HSPA1B: variants seen among roughly 807,000 people sequenced by gnomAD.
HSPA1B encodes the protein heat shock protein family A (Hsp70) member 1B.
HSPA1B carries 7 observed loss-of-function variants against 9.0 expected under a neutral mutation model. That is an observed-to-expected ratio of 0.78 (90% CI 0.44 to 1.46). The LOEUF is 1.46. Among genes scored for constraint, HSPA1B ranks in the 40% most tolerant of loss-of-function variants. The probability of loss-of-function intolerance (pLI) is 0.01; values close to 1 mark genes in which losing one functional copy is unlikely to be tolerated. For synonymous variants in HSPA1B, 125 were observed against 184.5 expected (o/e 0.68, Z 2.61); for missense variants, 199 against 424.5 (o/e 0.47, Z 4.67).
chr6:31,827,809 C>CTGGAA lies in HSPA1B; in HGVS notation c.-141_-140insGGAAT. On this transcript the variant is annotated 5_prime_UTR_variant, in exon 1 of 1. Transcript: ENST00000375650. ...GAGAGTGACTCCCGCGGTCCCAAGG[C>CTGGAA]TTTCCAGAGCGAACCTGTGCGGCTG... is the stretch of plus-strand genomic sequence containing the variant. 1 of 1,541,900 alleles carries CTGGAA rather than the reference C, an allele frequency of 6.5e-7. No homozygotes were observed. The highest frequency in any genetic ancestry group is 8.8e-7 in the Non-Finnish European group (1 of 1,133,748).
chr6:31,827,752 A>G lies in HSPA1B; in HGVS notation c.-199A>G, dbSNP rs1454757895. 2.5e-5 allele frequency: 31 copies of G among 1,238,732 alleles called. No individual in the cohort carries two copies. The highest frequency in any genetic ancestry group is 3.4e-5 in the Non-Finnish European group (30 of 874,432). The allele number at this position is 1,238,732 out of a possible 1,614,324, so 76.7% of individuals were successfully genotyped here. A position where few individuals can be genotyped will look rare whatever the true frequency, so the allele number is the denominator to read the frequency against. ...CGCGGTCCGGAAAACGGCCAGCCTG[A>G]GGAGCTGCTGCGAGGGTCCGCTTCG... is the stretch of plus-strand genomic sequence containing the variant. On this transcript the variant is annotated 5_prime_UTR_variant, in exon 1 of 1. Transcript: ENST00000375650.
Position 31,827,792 on chromosome 6 carries a change from C to G in HSPA1B, c.-159C>G. 4 of 1,472,210 alleles carry G rather than the reference C, an allele frequency of 2.7e-6. No individual in the cohort carries two copies. Among genetic ancestry groups the G allele is most frequent in the Non-Finnish European group, 3.7e-6 (4 of 1,077,006 alleles). The allele number at this position is 1,472,210 out of a possible 1,614,324, so 91.2% of individuals were successfully genotyped here. A position where few individuals can be genotyped will look rare whatever the true frequency, so the allele number is the denominator to read the frequency against. ...GGTCCGCTTCGTCTTTCGAGAGTGA[C>G]TCCCGCGGTCCCAAGGCTTTCCAGA... On this transcript the variant is annotated 5_prime_UTR_variant, in exon 1 of 1. Transcript: ENST00000375650.
In HSPA1B at chr6:31,827,762, G is replaced by A. The variant is rs1816771422; in HGVS notation, c.-189G>A. On this transcript the variant is annotated 5_prime_UTR_variant, in exon 1 of 1. Coordinates refer to ENST00000375650, the MANE Select transcript of HSPA1B (RefSeq NM_005346.6). The stretch of plus-strand genomic sequence containing the variant: ...AAAACGGCCAGCCTGAGGAGCTGCT[G>A]CGAGGGTCCGCTTCGTCTTTCGAGA... 6.8e-6 allele frequency: 9 copies of A among 1,316,900 alleles called. No individual in the cohort carries two copies. Among genetic ancestry groups the A allele is most frequent in the Admixed American group, 2.0e-5 (1 of 50,356 alleles). 81.6% of individuals were successfully genotyped at this position (1,316,900 alleles called of 1,614,324 possible).
In HSPA1B at chr6:31,829,507, G is replaced by T; in HGVS notation, c.1557G>T (p.Val519=). The change falls in exon 1 of 1, where the codon GTG becomes GTT. Residue 519 remains valine (V), a synonymous_variant. Transcript: ENST00000375650. The part of the protein sequence containing the change: ...RLSKEEIERM[V]QEAEKYKAED... ...GCAAGGAGGAGATCGAGCGCATGGT[G>T]CAGGAGGCGGAGAAGTACAAAGCGG... The T allele has an allele frequency of 6.5e-7, 1 of 1,531,902 alleles. No individual in the cohort carries two copies. The highest frequency in any genetic ancestry group is 1.2e-5 in the South Asian group (1 of 84,986). 94.9% of individuals were successfully genotyped at this position (1,531,902 alleles called of 1,614,324 possible).
Position 31,828,100 on chromosome 6 carries a change from C to A in HSPA1B, c.150C>A (p.Leu50=). Residue 50 remains leucine (L), a synonymous_variant, in exon 1 of 1, where the codon CTC becomes CTA. Transcript: ENST00000375650. ...TGGCCTTCACGGACACCGAGCGGCT[C>A]ATCGGGGATGCGGCCAAGAACCAGG... ...SYVAFTDTER[L]IGDAAKNQVA... 1 of 1,591,844 alleles carries A rather than the reference C, an allele frequency of 6.3e-7. No homozygotes were observed. The highest frequency in any genetic ancestry group is 8.5e-7 in the Non-Finnish European group (1 of 1,171,044).
chr6:31,827,765 AG>A lies in HSPA1B; in HGVS notation c.-183del. Reference sequence around the variant, plus strand: ...ACGGCCAGCCTGAGGAGCTGCTGCGAGGGTCCGCTTCGTCTTTCGAGAGTGA... The same window carrying A: ...ACGGCCAGCCTGAGGAGCTGCTGCGAGGTCCGCTTCGTCTTTCGAGAGTGA... On this transcript the variant is annotated 5_prime_UTR_variant, in exon 1 of 1. Transcript: ENST00000375650. The A allele has an allele frequency of 7.5e-7, 1 of 1,325,466 alleles. No individual in the cohort carries two copies. The highest frequency in any genetic ancestry group is 1.1e-6 in the Non-Finnish European group (1 of 950,760). 82.1% of individuals were successfully genotyped at this position (1,325,466 alleles called of 1,614,324 possible). A position where few individuals can be genotyped will look rare whatever the true frequency, so the allele number is the denominator to read the frequency against.
chr6:31,827,861 C>T lies in HSPA1B; in HGVS notation c.-90C>T, dbSNP rs762753580. 2 of 1,610,536 alleles carry T rather than the reference C, an allele frequency of 1.2e-6. No homozygotes were observed. The highest frequency in any genetic ancestry group is 1.7e-5 in the Admixed American group (1 of 59,586). ...AGGCACCGGCGTGTTGAGTTTCCGG[C>T]GTTCCGAAGGACTGAGCTCTTGTCG... On this transcript the variant is annotated 5_prime_UTR_variant, in exon 1 of 1. Coordinates refer to ENST00000375650, the MANE Select transcript of HSPA1B (RefSeq NM_005346.6).
rs1362118781 is a variant in HSPA1B at position 31,827,971 on chromosome 6, C to T, written c.21C>T (p.Ile7=). The change falls in exon 1 of 1, where the codon ATC becomes ATT. Residue 7 remains isoleucine, a synonymous_variant. Coordinates refer to ENST00000375650, the MANE Select transcript of HSPA1B (RefSeq NM_005346.6). ...CCGGCATGGCCAAAGCCGCGGCGAT[C>T]GGCATCGACCTGGGCACCACCTACT... MAKAAA[I]GIDLGTTYSC... 3 of 1,613,150 alleles carry T rather than the reference C, an allele frequency of 1.9e-6. No individual in the cohort carries two copies. Among genetic ancestry groups the T allele is most frequent in the Non-Finnish European group, 2.5e-6 (3 of 1,179,700 alleles).
rs1317658820 is a variant in HSPA1B at position 31,827,766 on chromosome 6, G to T, written c.-185G>T. On this transcript the variant is annotated 5_prime_UTR_variant, in exon 1 of 1. It adds an upstream start codon to the 5' untranslated region. Coordinates refer to ENST00000375650, the MANE Select transcript of HSPA1B (RefSeq NM_005346.6). Reference sequence around the variant, plus strand: ...CGGCCAGCCTGAGGAGCTGCTGCGAGGGTCCGCTTCGTCTTTCGAGAGTGA... The same window carrying T: ...CGGCCAGCCTGAGGAGCTGCTGCGATGGTCCGCTTCGTCTTTCGAGAGTGA... The T allele has an allele frequency of 1.2e-5, 16 of 1,334,374 alleles. No homozygotes were observed. Among genetic ancestry groups the T allele is most frequent in the Non-Finnish European group, 1.7e-5 (16 of 958,726 alleles). 82.7% of individuals were successfully genotyped at this position (1,334,374 alleles called of 1,614,324 possible).
rs1380611889 is a variant in HSPA1B at position 31,830,138 on chromosome 6, G to GTTTTTTTTTTTTTTTTTTTTTTT, written c.*265_*266insTTTTTTTTTTTTTTTTTTTTTTT. Reference sequence around the variant, plus strand: ...ATCAACACTGCCACCTTCTGTACGAGTTTGTTTGTTTTTTTTTTTTTTTTT... The same window carrying GTTTTTTTTTTTTTTTTTTTTTTT: ...ATCAACACTGCCACCTTCTGTACGAGTTTTTTTTTTTTTTTTTTTTTTTTTTGTTTGTTTTTTTTTTTTTTTTT... On this transcript the variant is annotated 3_prime_UTR_variant, in exon 1 of 1. Coordinates refer to ENST00000375650, the MANE Select transcript of HSPA1B (RefSeq NM_005346.6). 5.8e-6 allele frequency: 1 copy of GTTTTTTTTTTTTTTTTTTTTTTT among 171,872 alleles called. No individual in the cohort carries two copies. The highest frequency in any genetic ancestry group is 3.3e-5 in the African/African-American group (1 of 30,064). The allele number at this position is 171,872 out of a possible 1,614,324, so 10.6% of individuals were successfully genotyped here. A position where few individuals can be genotyped will look rare whatever the true frequency, so the allele number is the denominator to read the frequency against.
Position 31,829,653 on chromosome 6 carries a change from A to T in HSPA1B, c.1703A>T (p.Lys568Met), listed in dbSNP as rs778424336. Residue 568 changes from lysine to methionine, a missense_variant, in exon 1 of 1, where the codon AAG (lysine) becomes ATG (methionine). By Grantham distance (95) the Lys-to-Met change is moderately conservative. Around this residue, in one of 5 missense-constraint regions of HSPA1B, gnomAD observed 67 missense variants for 106.4 expected, o/e 0.63. Coordinates refer to ENST00000375650, the MANE Select transcript of HSPA1B (RefSeq NM_005346.6). ...GGCAAGATCAGCGAGGCGGACAAGAAGAAGGTTCTGGACAAGTGTCAAGAG... is the reference window on the plus strand; with the variant it reads ...GGCAAGATCAGCGAGGCGGACAAGATGAAGGTTCTGGACAAGTGTCAAGAG... ...LKGKISEADK[K>M]KVLDKCQEVI... The T allele has an allele frequency of 5.0e-6, 8 of 1,612,492 alleles. No homozygotes were observed. The highest frequency in any genetic ancestry group is 2.5e-6 in the Non-Finnish European group (3 of 1,179,868).
chr6:31,827,954 G>A lies in HSPA1B; in HGVS notation c.4G>A (p.Ala2Thr). 5.0e-6 allele frequency: 8 copies of A among 1,613,288 alleles called. No homozygotes were observed. The highest frequency in any genetic ancestry group is 6.8e-6 in the Non-Finnish European group (8 of 1,179,716). Residue 2 changes from alanine (A) to threonine (T), a missense_variant, in exon 1 of 1, where the codon GCC (alanine) becomes ACC (threonine). By Grantham distance (58) the Ala-to-Thr change is moderately conservative (BLOSUM62 0). This residue lies in a region of HSPA1B where 51 missense variants were observed against 70.9 expected (regional missense o/e 0.72). Transcript: ENST00000375650. The stretch of plus-strand genomic sequence containing the variant: ...GCCCACAGAGCAGGGCACCGGCATG[G>A]CCAAAGCCGCGGCGATCGGCATCGA... M[A>T]KAAAIGIDLG...
At position 31,830,146 on chromosome 6, in the gene HSPA1B, G is replaced by GTTTTTTTTT. The variant is rs9279427; in HGVS notation, c.*286_*294dup. 7.6e-4 allele frequency: 64 copies of GTTTTTTTTT among 84,066 alleles called. No homozygotes were observed. The highest frequency in any genetic ancestry group is 1.5e-3 in the East Asian group (4 of 2,702). 5.2% of individuals were successfully genotyped at this position (84,066 alleles called of 1,614,324 possible). A position where few individuals can be genotyped will look rare whatever the true frequency, so the allele number is the denominator to read the frequency against. ...TGCCACCTTCTGTACGAGTTTGTTT[G>GTTTTTTTTT]TTTTTTTTTTTTTTTTTTTTTTTTG... is the stretch of plus-strand genomic sequence containing the variant. On this transcript the variant is annotated 3_prime_UTR_variant, in exon 1 of 1. Transcript: ENST00000375650.
At position 31,828,409 on chromosome 6, in the gene HSPA1B, G is replaced by C; in HGVS notation, c.459G>C (p.Ser153=). ...CCGTGCCGGCCTACTTCAACGACTC[G>C]CAGCGCCAGGCCACCAAGGATGCGG... ...VITVPAYFND[S]QRQATKDAGV... is the part of the protein sequence containing the mutation. The change falls in exon 1 of 1, where the codon TCG becomes TCC. Residue 153 remains serine, a synonymous_variant. Transcript: ENST00000375650. 1 of 369,902 alleles carries C rather than the reference G, an allele frequency of 2.7e-6. No individual in the cohort carries two copies. The highest frequency in any genetic ancestry group is 4.6e-6 in the Non-Finnish European group (1 of 218,526). 22.9% of individuals were successfully genotyped at this position (369,902 alleles called of 1,614,324 possible).
rs541068717 is a variant in HSPA1B at position 31,829,860 on chromosome 6, T to C, written c.1910T>C (p.Ile637Thr). ...PKGGSGSGPT[I>T]EEVD Reference sequence around the variant, plus strand: ...GGAGGGTCTGGGTCAGGCCCTACCATTGAGGAGGTGGATTAGGGGCCTTTG... The same window carrying C: ...GGAGGGTCTGGGTCAGGCCCTACCACTGAGGAGGTGGATTAGGGGCCTTTG... The change falls in exon 1 of 1, where the codon ATT becomes ACT. Residue 637 changes from isoleucine (I) to threonine (T), a missense_variant. Physicochemically the swap from Ile to Thr is moderately conservative, Grantham distance 89. This residue lies in a region of HSPA1B where 67 missense variants were observed against 106.4 expected (regional missense o/e 0.63). Transcript: ENST00000375650. The C allele has an allele frequency of 1.4e-5, 22 of 1,612,396 alleles. No individual in the cohort carries two copies. The highest frequency in any genetic ancestry group is 1.8e-5 in the Non-Finnish European group (21 of 1,179,794).
Position 31,830,090 on chromosome 6 carries a change from G to C in HSPA1B, c.*214G>C. The C allele has an allele frequency of 1.7e-6, 1 of 605,302 alleles. No individual in the cohort carries two copies. Among genetic ancestry groups the C allele is most frequent in the East Asian group, 3.0e-5 (1 of 33,528 alleles). 37.5% of individuals were successfully genotyped at this position (605,302 alleles called of 1,614,324 possible). On this transcript the variant is annotated 3_prime_UTR_variant, in exon 1 of 1. Coordinates refer to ENST00000375650, the MANE Select transcript of HSPA1B (RefSeq NM_005346.6). The stretch of plus-strand genomic sequence containing the variant: ...TTGCATTTAATGTTGATACTGTAAG[G>C]GTGTTTCGTTCCCTTTAAATGAATC...
rs1387217371 is a variant in HSPA1B, at chr6:31,827,781, T to C, written c.-170T>C. On this transcript the variant is annotated 5_prime_UTR_variant, in exon 1 of 1. Coordinates refer to ENST00000375650, the MANE Select transcript of HSPA1B (RefSeq NM_005346.6). ...GCTGCTGCGAGGGTCCGCTTCGTCTTTCGAGAGTGACTCCCGCGGTCCCAA... is the reference window on the plus strand; with the variant it reads ...GCTGCTGCGAGGGTCCGCTTCGTCTCTCGAGAGTGACTCCCGCGGTCCCAA... 4.2e-6 allele frequency: 6 copies of C among 1,431,372 alleles called. No individual in the cohort carries two copies. The African/African-American group carries it at 7.1e-5, about 17-fold the overall frequency. The allele number at this position is 1,431,372 out of a possible 1,614,324, so 88.7% of individuals were successfully genotyped here.
In HSPA1B at chr6:31,830,048, ATG is replaced by A. The variant is rs982878795; in HGVS notation, c.*174_*175del. ...TCATTATTTTTGTAGTACAACCGAT[ATG>A]TTCATTAGAATTCTTTGCATTTAAT... On this transcript the variant is annotated 3_prime_UTR_variant, in exon 1 of 1. Transcript: ENST00000375650. 3.1e-4 allele frequency: 240 copies of A among 781,212 alleles called. 1 individual carries two copies. The highest frequency in any genetic ancestry group is 1.5e-3 in the Middle Eastern group (4 of 2,592). The allele number at this position is 781,212 out of a possible 1,614,324, so 48.4% of individuals were successfully genotyped here. A position where few individuals can be genotyped will look rare whatever the true frequency, so the allele number is the denominator to read the frequency against.
Position 31,829,053 on chromosome 6 carries a change from C to CGAGTAG in HSPA1B, c.1103_1104insGAGTAG (p.Ala368_Val369insSerSer). ...AACAAGAGCATCAACCCCGACGAGGCTGTGGCCTACGGGGCGGCGGTGCAG... is the reference window on the plus strand; with the variant it reads ...AACAAGAGCATCAACCCCGACGAGGCGAGTAGTGTGGCCTACGGGGCGGCGGTGCAG... On this transcript the variant is annotated inframe_insertion, in exon 1 of 1. Transcript: ENST00000375650. 1 of 179,952 alleles carries CGAGTAG rather than the reference C, an allele frequency of 5.6e-6. No individual in the cohort carries two copies. Among genetic ancestry groups the CGAGTAG allele is most frequent in the Non-Finnish European group, 9.6e-6 (1 of 103,694 alleles). The allele number at this position is 179,952 out of a possible 1,614,324, so 11.1% of individuals were successfully genotyped here.
Sources: allele counts gnomAD v4.1 joint callset, GRCh38; gene constraint gnomAD v4.1.1; regional missense constraint gnomAD v4.1.1; transcripts MANE v1.5; gene names NCBI Gene and HGNC (gene_info 2026-07-23, HGNC 2026-07-21).